Variants in HCAR1 observed in about 807,000 individuals in gnomAD.
HCAR1 encodes hydroxycarboxylic acid receptor 1.
For missense variants in HCAR1, 445 were observed against 448.7 expected (o/e 0.99, Z 0.07); for synonymous variants, 183 against 182.1 (o/e 1.01, Z -0.04).
rs532595534 is a variant in HCAR1, at chr12:122,728,809, A to G, written c.*490T>C. The G allele has an allele frequency of 6.2e-6, 1 of 161,290 alleles. No homozygotes were observed. The highest frequency in any genetic ancestry group is 2.4e-5 in the African/African-American group (1 of 41,640). 10.0% of individuals were successfully genotyped at this position (161,290 alleles called of 1,614,324 possible). A position where few individuals can be genotyped will look rare whatever the true frequency, so the allele number is the denominator to read the frequency against. Reference sequence around the variant, plus strand: ...TGGCAAAACCCTGTCTCTACTAAAAATACAAAAATTAGCCGGGTGTGTTGG... The same window carrying G: ...TGGCAAAACCCTGTCTCTACTAAAAGTACAAAAATTAGCCGGGTGTGTTGG... On this transcript the variant is annotated 3_prime_UTR_variant, in exon 1 of 1. Transcript: ENST00000432564.
In HCAR1 at chr12:122,729,681, C is replaced by T. The variant is rs751023135; in HGVS notation, c.659G>A (p.Arg220Gln). 5.6e-6 allele frequency: 9 copies of T among 1,613,860 alleles called. No individual in the cohort carries two copies. Among genetic ancestry groups the T allele is most frequent in the Admixed American group, 1.7e-5 (1 of 59,984 alleles). ...ARQARMKKATRFIMVVAIVFI... is the reference protein window; with the variant it reads ...ARQARMKKATQFIMVVAIVFI... ...CACAATTGCCACCACCATGATGAAC[C>T]GGGTCGCCTTCTTCATCCGAGCCTG... The change falls in exon 1 of 1, where the codon CGG (arginine) becomes CAG (glutamine). Residue 220 changes from arginine (R) to glutamine (Q), a missense_variant. By Grantham distance (43) the Arg-to-Gln change is conservative (BLOSUM62 1). Transcript: ENST00000432564.
rs1014442065 is a variant in HCAR1, at chr12:122,730,063, A to G, written c.277T>C (p.Phe93Leu). 4.3e-6 allele frequency: 7 copies of G among 1,614,090 alleles called. No homozygotes were observed. In the Admixed American group the frequency reaches 5.0e-5, roughly 12 times the overall value. ...CCGGCCCTGTTCATGGCCAACGTGA[A>G]GAGCCCCACTCGGCAGGGAATGTCC... ...FGDIPCRVGL[F>L]TLAMNRAGSI... is the part of the protein sequence containing the mutation. The change falls in exon 1 of 1, where the codon TTC (phenylalanine) becomes CTC (leucine). Residue 93 changes from phenylalanine to leucine, a missense_variant. Transcript: ENST00000432564.
rs1877846050 is a variant in HCAR1, at chr12:122,728,526, T to C, written c.*773A>G. ...CCTCATTCGGCCTGAAATAAAGCAT[T>C]GATTGACTGAGCCCGGTTTCTGTTT... On this transcript the variant is annotated 3_prime_UTR_variant, in exon 1 of 1. Coordinates refer to ENST00000432564, the MANE Select transcript of HCAR1 (RefSeq NM_032554.4). The C allele has an allele frequency of 6.6e-6, 1 of 152,210 alleles. No individual in the cohort carries two copies. The highest frequency in any genetic ancestry group is 2.1e-4 in the South Asian group (1 of 4,826). The allele number at this position is 152,210 out of a possible 1,614,324, so 9.4% of individuals were successfully genotyped here. A position where few individuals can be genotyped will look rare whatever the true frequency, so the allele number is the denominator to read the frequency against.
In HCAR1 at chr12:122,730,115, G is replaced by GTAA; in HGVS notation, c.222_224dup (p.Tyr75dup). ...CAAAAGCCCAGTGTCTACGTCTGAG[G>GTAA]TAATAGTCTGTCCGAAAAGGCAGGC... On this transcript the variant is annotated inframe_insertion, in exon 1 of 1. Coordinates refer to ENST00000432564, the MANE Select transcript of HCAR1 (RefSeq NM_032554.4). 6.2e-7 allele frequency: 1 copy of GTAA among 1,614,130 alleles called. No individual in the cohort carries two copies. Among genetic ancestry groups the GTAA allele is most frequent in the Non-Finnish European group, 8.5e-7 (1 of 1,180,026 alleles).
rs1877886410 is a variant in HCAR1 at position 122,729,691 on chromosome 12, T to C, written c.649A>G (p.Lys217Glu). The change falls in exon 1 of 1, where the codon AAG becomes GAG. Residue 217 changes from lysine (K) to glutamate (E), a missense_variant. By Grantham distance (56) the Lys-to-Glu change is moderately conservative. Coordinates refer to ENST00000432564, the MANE Select transcript of HCAR1 (RefSeq NM_032554.4). The stretch of plus-strand genomic sequence containing the variant: ...ACCACCATGATGAACCGGGTCGCCT[T>C]CTTCATCCGAGCCTGTCTGGCCAGC... ...QQLARQARMK[K>E]ATRFIMVVAI... is the part of the protein sequence containing the mutation. 1 of 1,613,916 alleles carries C rather than the reference T, an allele frequency of 6.2e-7. No homozygotes were observed. Among genetic ancestry groups the C allele is most frequent in the Non-Finnish European group, 8.5e-7 (1 of 1,180,024 alleles).
In HCAR1 at chr12:122,729,603, G is replaced by C. The variant is rs547953029; in HGVS notation, c.737C>G (p.Thr246Arg). The C allele has an allele frequency of 6.2e-7, 1 of 1,614,146 alleles. No homozygotes were observed. The highest frequency in any genetic ancestry group is 8.5e-7 in the Non-Finnish European group (1 of 1,180,014). Reference protein sequence around the residue: ...SVSARLYFLWTVPSSACDPSV... With the variant: ...SVSARLYFLWRVPSSACDPSV... The stretch of plus-strand genomic sequence containing the variant: ...GGGATCGCAGGCACTCGAGGGCACC[G>C]TCCAGAGGAAATAGAGTCTAGCAGA... The change falls in exon 1 of 1, where the codon ACG (threonine) becomes AGG (arginine). Residue 246 changes from threonine to arginine, a missense_variant. Thr to Arg is a moderately conservative substitution (Grantham distance 71). Transcript: ENST00000432564.
rs1593748109 is a variant in HCAR1 at position 122,728,871 on chromosome 12, G to A, written c.*428C>T. The A allele has an allele frequency of 5.9e-6, 1 of 168,678 alleles. No individual in the cohort carries two copies. Among genetic ancestry groups the A allele is most frequent in the East Asian group, 1.7e-4 (1 of 5,954 alleles). The allele number at this position is 168,678 out of a possible 1,614,324, so 10.4% of individuals were successfully genotyped here. On this transcript the variant is annotated 3_prime_UTR_variant, in exon 1 of 1. Transcript: ENST00000432564. The stretch of plus-strand genomic sequence containing the variant: ...AATCCCAGCTACTCGGGAGGCTGAG[G>A]CAGGAGAATTGCTTGAACCCGGGAG...
At position 122,730,150 on chromosome 12, in the gene HCAR1, G is replaced by A. The variant is rs1225804823; in HGVS notation, c.190C>T (p.Leu64Phe). 1.2e-6 allele frequency: 2 copies of A among 1,614,166 alleles called. No homozygotes were observed. The highest frequency in any genetic ancestry group is 1.7e-5 in the Admixed American group (1 of 60,012). The change falls in exon 1 of 1, where the codon CTT (leucine) becomes TTT (phenylalanine). Residue 64 changes from leucine to phenylalanine, a missense_variant. Physicochemically the swap from Leu to Phe is conservative, Grantham distance 22 (BLOSUM62 0). Coordinates refer to ENST00000432564, the MANE Select transcript of HCAR1 (RefSeq NM_032554.4). ...LFNLAVADFL[L>F]MICLPFRTDY... ...GTCCGAAAAGGCAGGCAGATCATAAGGAGGAAATCAGCCACGGCCAAATTG... is the reference window on the plus strand; with the variant it reads ...GTCCGAAAAGGCAGGCAGATCATAAAGAGGAAATCAGCCACGGCCAAATTG...
At position 122,729,208 on chromosome 12, in the gene HCAR1, G is replaced by A; in HGVS notation, c.*91C>T. 1.7e-6 allele frequency: 2 copies of A among 1,151,456 alleles called. No individual in the cohort carries two copies. The highest frequency in any genetic ancestry group is 2.5e-6 in the Non-Finnish European group (2 of 797,674). The allele number at this position is 1,151,456 out of a possible 1,614,324, so 71.3% of individuals were successfully genotyped here. On this transcript the variant is annotated 3_prime_UTR_variant, in exon 1 of 1. Coordinates refer to ENST00000432564, the MANE Select transcript of HCAR1 (RefSeq NM_032554.4). ...CGAGAAGCCGTCTTGCAATAAGAAA[G>A]GGGGGTGGCATTTTCAAAGCCCCCG...
In HCAR1 at chr12:122,728,111, A is replaced by G. The variant is rs1198669523; in HGVS notation, c.*1188T>C. The stretch of plus-strand genomic sequence containing the variant: ...CCCCCCCAAAAAACTTTACTGTCAC[A>G]TAAGAGTTGACTAATGACCCTCCAC... On this transcript the variant is annotated 3_prime_UTR_variant, in exon 1 of 1. Coordinates refer to ENST00000432564, the MANE Select transcript of HCAR1 (RefSeq NM_032554.4). The G allele has an allele frequency of 6.6e-6, 1 of 152,098 alleles. No homozygotes were observed. The highest frequency in any genetic ancestry group is 1.5e-5 in the Non-Finnish European group (1 of 68,016). The allele number at this position is 152,098 out of a possible 1,614,324, so 9.4% of individuals were successfully genotyped here.
rs770844915 is a variant in HCAR1, at chr12:122,730,296, G to A, written c.44C>T (p.Ser15Phe). 1 of 1,600,484 alleles carries A rather than the reference G, an allele frequency of 6.2e-7. No homozygotes were observed. Among genetic ancestry groups the A allele is most frequent in the Non-Finnish European group, 8.5e-7 (1 of 1,171,318 alleles). Reference sequence around the variant, plus strand: ...AATGAGCAGCGGCGGCATCACCTGGGAGATGGTGTCCCCCTCGATGCGGCA... The same window carrying A: ...AATGAGCAGCGGCGGCATCACCTGGAAGATGGTGTCCCCCTCGATGCGGCA... ...SCCRIEGDTISQVMPPLLIVA... is the reference protein window; with the variant it reads ...SCCRIEGDTIFQVMPPLLIVA... Residue 15 changes from serine (S) to phenylalanine (F), a missense_variant, in exon 1 of 1, where the codon TCC (serine) becomes TTC (phenylalanine). Coordinates refer to ENST00000432564, the MANE Select transcript of HCAR1 (RefSeq NM_032554.4).
Position 122,729,404 on chromosome 12 carries a change from C to G in HCAR1, c.936G>C (p.Glu312Asp), listed in dbSNP as rs1370612921. ...TGCGACCGAGGTTCGAAATTGGCAT[C>G]TCTTCCGGCCTTTGTGTTTTTGAGT... The part of the protein sequence containing the change: ...PGHSKTQRPE[E>D]MPISNLGRRS... The change falls in exon 1 of 1, where the codon GAG becomes GAC. Residue 312 changes from glutamate to aspartate, a missense_variant. Transcript: ENST00000432564. The G allele has an allele frequency of 6.2e-7, 1 of 1,614,136 alleles. No homozygotes were observed. The highest frequency in any genetic ancestry group is 1.3e-5 in the African/African-American group (1 of 75,002).
In HCAR1 at chr12:122,729,421, T is replaced by A. The variant is rs1877874616; in HGVS notation, c.919A>T (p.Thr307Ser). Residue 307 changes from threonine to serine, a missense_variant, in exon 1 of 1, where the codon ACA (threonine) becomes TCA (serine). Physicochemically the swap from Thr to Ser is moderately conservative, Grantham distance 58. Coordinates refer to ENST00000432564, the MANE Select transcript of HCAR1 (RefSeq NM_032554.4). ...LKPKQPGHSK[T>S]QRPEEMPISN... ...ATTGGCATCTCTTCCGGCCTTTGTG[T>A]TTTTGAGTGTCCTGGCTGCTTGGGT... The A allele has an allele frequency of 6.2e-7, 1 of 1,614,082 alleles. No individual in the cohort carries two copies. The highest frequency in any genetic ancestry group is 1.1e-5 in the South Asian group (1 of 91,078).
chr12:122,729,059 TC>T lies in HCAR1; in HGVS notation c.*239del. 1.8e-6 allele frequency: 1 copy of T among 555,182 alleles called. No homozygotes were observed. Among genetic ancestry groups the T allele is most frequent in the Non-Finnish European group, 3.2e-6 (1 of 309,620 alleles). 34.4% of individuals were successfully genotyped at this position (555,182 alleles called of 1,614,324 possible). A position where few individuals can be genotyped will look rare whatever the true frequency, so the allele number is the denominator to read the frequency against. On this transcript the variant is annotated 3_prime_UTR_variant, in exon 1 of 1. Coordinates refer to ENST00000432564, the MANE Select transcript of HCAR1 (RefSeq NM_032554.4). ...CATGCTCCACTCCATGCACATTCTG[TC>T]CCCTGCCATTGTGATCAGATAAGAA...
rs756345373 is a variant in HCAR1 at position 122,729,995 on chromosome 12, G to A, written c.345C>T (p.Phe115=). ...FLTVVAADRY[F]KVVHPHHAVN... is the part of the protein sequence containing the mutation. ...CCGCGTGGTGGGGGTGGACCACTTT[G>A]AAATACCTGTCCGCAGCCACCACCG... The change falls in exon 1 of 1, where the codon TTC becomes TTT. Residue 115 remains phenylalanine (F), a synonymous_variant. Transcript: ENST00000432564. 32 of 1,613,916 alleles carry A rather than the reference G, an allele frequency of 2.0e-5. No homozygotes were observed. In the African/African-American group the frequency reaches 3.6e-4, roughly 18 times the overall value.
At position 122,726,212 on chromosome 12, in the gene HCAR1, G is replaced by A. The variant is rs1413106693; in HGVS notation, c.*3087C>T. On this transcript the variant is annotated 3_prime_UTR_variant, in exon 1 of 1. Coordinates refer to ENST00000432564, the MANE Select transcript of HCAR1 (RefSeq NM_032554.4). The stretch of plus-strand genomic sequence containing the variant: ...ATCAGGAGGATGTATGACTAATGCT[G>A]GTAAGAATTCTTGCCTTTACTCTTC... The A allele has an allele frequency of 1.3e-5, 2 of 152,176 alleles. No homozygotes were observed. Among genetic ancestry groups the A allele is most frequent in the African/African-American group, 2.4e-5 (1 of 41,436 alleles). The allele number at this position is 152,176 out of a possible 1,614,324, so 9.4% of individuals were successfully genotyped here.
Position 122,729,951 on chromosome 12 carries a change from C to G in HCAR1, c.389G>C (p.Arg130Pro), listed in dbSNP as rs370201170. 135 of 1,613,530 alleles carry G rather than the reference C, an allele frequency of 8.4e-5. No individual in the cohort carries two copies. Among genetic ancestry groups the G allele is most frequent in the Non-Finnish European group, 1.1e-4 (126 of 1,179,844 alleles). ...GGTGCAGACGATGCCAGCCGCCACCCGGGTGGAGATAGTGTTCACCGCGTG... is the reference window on the plus strand; with the variant it reads ...GGTGCAGACGATGCCAGCCGCCACCGGGGTGGAGATAGTGTTCACCGCGTG... Reference protein sequence around the residue: ...PHHAVNTISTRVAAGIVCTLW... With the variant: ...PHHAVNTISTPVAAGIVCTLW... Residue 130 changes from arginine to proline, a missense_variant, in exon 1 of 1, where the codon CGG becomes CCG. By Grantham distance (103) the Arg-to-Pro change is moderately radical (BLOSUM62 -2). Coordinates refer to ENST00000432564, the MANE Select transcript of HCAR1 (RefSeq NM_032554.4).
rs1877925739 is a variant in HCAR1 at position 122,730,622 on chromosome 12, G to A, written c.-283C>T. ...CTGGAGCCGGATGAAGCTTGGAAATGCATGCAATTTTGCAAAAGTGGTCAT... is the reference window on the plus strand; with the variant it reads ...CTGGAGCCGGATGAAGCTTGGAAATACATGCAATTTTGCAAAAGTGGTCAT... On this transcript the variant is annotated 5_prime_UTR_variant, in exon 1 of 1. Transcript: ENST00000432564. 1 of 372,526 alleles carries A rather than the reference G, an allele frequency of 2.7e-6. No individual in the cohort carries two copies. Among genetic ancestry groups the A allele is most frequent in the South Asian group, 9.6e-5 (1 of 10,438 alleles). The allele number at this position is 372,526 out of a possible 1,614,324, so 23.1% of individuals were successfully genotyped here. A position where few individuals can be genotyped will look rare whatever the true frequency, so the allele number is the denominator to read the frequency against.
In HCAR1 at chr12:122,729,328, A is replaced by C; in HGVS notation, c.1012T>G (p.Trp338Gly). Residue 338 changes from tryptophan (W) to glycine (G), a missense_variant, in exon 1 of 1, where the codon TGG becomes GGG. Physicochemically the swap from Trp to Gly is radical, Grantham distance 184 (BLOSUM62 -2). Transcript: ENST00000432564. ...TGCCACTCAACAATGTGGGGATCCC[A>C]TTGCCCATCAGACTGGCTTTGGAAA... ...NSFQSQSDGQWDPHIVEWH is the reference protein window; with the variant it reads ...NSFQSQSDGQGDPHIVEWH The C allele has an allele frequency of 6.2e-7, 1 of 1,613,938 alleles. No individual in the cohort carries two copies. Among genetic ancestry groups the C allele is most frequent in the Non-Finnish European group, 8.5e-7 (1 of 1,179,960 alleles).
Sources: gnomAD v4.1 joint callset for allele counts on GRCh38, gnomAD v4.1.1 for gene constraint, MANE v1.5 for transcripts, NCBI Gene and HGNC (gene_info 2026-07-23, HGNC 2026-07-21) for gene names.